KLF13: variants seen among roughly 807,000 people sequenced by gnomAD.
The protein encoded by KLF13 is Krueppel-like factor 13.
In KLF13, 8 loss-of-function variants were observed where a neutral mutation model predicts 16.7. The ratio of observed to expected loss-of-function variants is 0.48; its 90% CI spans 0.28 to 0.87. KLF13 has a LOEUF of 0.87. Ranked by LOEUF, KLF13 falls within the 40% of genes least tolerant of loss-of-function variation. KLF13 has a pLI of 0.10. For missense variants in KLF13, 447 were observed against 452.2 expected, an observed-to-expected ratio of 0.99 and a Z score of 0.10; for synonymous variants, 245 against 208.4, an observed-to-expected ratio of 1.18 and a Z score of -1.51.
At chr15:31,328,736 T>C (rs1046265873) in intron 1 of KLF13, among the ~76,000 whole-genome samples, 1 of 152,212 alleles carries the variant, frequency 6.6e-6, no homozygotes, top group East Asian at 1.9e-4. Context: ...CTGTGGCGGT[T>C]CCCTCCCCCC....
At chr15:31,430,320 G>A (rs1566851948) in intron 1 of KLF13, among the ~76,000 whole-genome samples, 1 of 151,926 alleles carries the variant, frequency 6.6e-6, no homozygotes, top group East Asian at 1.9e-4. Context: ...AGTAAAAGGG[G>A]AAAAAATGGG....
chr15:31,420,497 G>A (rs971050995), intron 1 of KLF13: 2 of 651,734 alleles, frequency 3.1e-6, no homozygotes, highest in East Asian at 3.9e-5. Context: ...CAAGTCGTCT[G>A]TACTGTATGG....
At chr15:31,435,188 T>C (rs2040515266) in intron 1 of KLF13, among the ~76,000 whole-genome samples, 1 of 152,148 alleles carries the variant, frequency 6.6e-6, no homozygotes, top group African/African-American at 2.4e-5. Flanking sequence ...GGCGGGGCTG[T>C]TCCGAGGGGC....
chr15:31,371,859 C>T, intron 1 of KLF13, 151 bp from the exon 2 acceptor site: 3 of 909,050 alleles, frequency 3.3e-6, no homozygotes, highest in Non-Finnish European at 4.9e-6. Context: ...TCATCTCTGC[C>T]TTGATGGATT....
At chr15:31,423,471 A>C (rs929226493) in intron 1 of KLF13, among the ~76,000 whole-genome samples, 3 of 151,872 alleles carry the variant, frequency 2.0e-5, no homozygotes, top group African/African-American at 7.3e-5. Context: ...GTCTCTACTA[A>C]AAATACAAAA....
intron 1 of KLF13, among the ~76,000 whole-genome samples, chr15:31,369,035 C>T (rs1178743627): frequency 1.3e-5 from 2 of 152,164 alleles, no homozygotes; most frequent in African/African-American, 4.8e-5. Flanking sequence ...TTCTGTTATC[C>T]TCCTGCCATG....
intron 1 of KLF13, chr15:31,420,584 G>T: frequency 2.2e-6 from 1 of 452,444 alleles, no homozygotes; most frequent in Non-Finnish European, 4.1e-6. Context: ...CATGCATGCT[G>T]TTGAGTTCTG....
intron 1 of KLF13, among the ~76,000 whole-genome samples, chr15:31,344,778 T>C (rs2039084995): frequency 6.7e-6 from 1 of 148,850 alleles, no homozygotes; most frequent in South Asian, 2.2e-4. Context: ...AGAAAAGAGC[T>C]GGGAGGATTG....
intron 2 of KLF13, among the ~76,000 whole-genome samples, chr15:31,395,464 ATTT>A (rs1165293008): frequency 6.6e-6 from 1 of 151,752 alleles, no homozygotes; most frequent in Non-Finnish European, 1.5e-5. Context: ...TTATTTATTT[ATTT>A]ATTTATTTTT....
chr15:31,425,309 A>T (rs137940271), intron 1 of KLF13, among the ~76,000 whole-genome samples: 157 of 152,352 alleles, frequency 1.0e-3, no homozygotes, highest in Middle Eastern at 0.01. Context: ...AATCCTAAAG[A>T]ATCCTAAGGA....
At chr15:31,425,287 A>C (rs1185449533) in intron 1 of KLF13, among the ~76,000 whole-genome samples, 3 of 152,210 alleles carry the variant, frequency 2.0e-5, no homozygotes, top group Non-Finnish European at 4.4e-5. Context: ...AAATTTTCTA[A>C]AATGTATATG....
chr15:31,332,189 A>G (rs2038845467), intron 1 of KLF13, among the ~76,000 whole-genome samples: 1 of 152,158 alleles, frequency 6.6e-6, no homozygotes, highest in Admixed American at 6.5e-5. Flanking sequence ...TGTTGGTTAA[A>G]TGTGTTGTGG....
chr15:31,364,215 C>T (rs573973933), intron 1 of KLF13, among the ~76,000 whole-genome samples: 2 of 152,094 alleles, frequency 1.3e-5, no homozygotes, highest in Non-Finnish European at 2.9e-5. Context: ...TTATCCTATT[C>T]GAAAACAAAG....
chr15:31,393,530 G>A (rs1365629666), intron 1 of KLF13: 1 of 151,116 alleles, frequency 6.6e-6, no homozygotes, highest in Non-Finnish European at 1.5e-5. Flanking sequence ...CTTGTCCCTC[G>A]GTCCTCCCAC....
At chr15:31,424,459 C>T (rs988674628) in intron 1 of KLF13, among the ~76,000 whole-genome samples, 1 of 151,970 alleles carries the variant, frequency 6.6e-6, no homozygotes, top group Non-Finnish European at 1.5e-5. Context: ...GAATGGAGGA[C>T]ACTATGTTCC....
chr15:31,387,676 G>A (rs1287119486), intron 1 of KLF13, among the ~76,000 whole-genome samples: 1 of 152,230 alleles, frequency 6.6e-6, no homozygotes, highest in Non-Finnish European at 1.5e-5. Context: ...CACTGTAGGT[G>A]TGAAATGTTT....
chr15:31,354,294 G>A (rs956984552), intron 1 of KLF13, among the ~76,000 whole-genome samples: 8 of 152,246 alleles, frequency 5.3e-5, no homozygotes, highest in African/African-American at 1.4e-4. Context: ...AGCCAGAGGA[G>A]GGATGGGCTG....
At chr15:31,435,181 G>A (rs1017949664) in intron 1 of KLF13, among the ~76,000 whole-genome samples, 1 of 152,082 alleles carries the variant, frequency 6.6e-6, no homozygotes, top group Non-Finnish European at 1.5e-5. Context: ...CTGTGGGGGC[G>A]GGGCTGTTCC....
chr15:31,360,513 G>C (rs2140955894), intron 1 of KLF13, among the ~76,000 whole-genome samples: 1 of 152,298 alleles, frequency 6.6e-6, no homozygotes, highest in African/African-American at 2.4e-5. Context: ...TGAACACAAG[G>C]GCTTTCCCAA....
Sources: gnomAD v4.1 joint callset for allele counts (sites outside exome capture counted in the v4.1 genomes callset) on GRCh38, gnomAD v4.1.1 for gene constraint, MANE v1.5 for transcripts, NCBI Gene and HGNC (gene_info 2026-07-23, HGNC 2026-07-21) for gene names.